Variants in CNTN5 observed in about 807,000 individuals in gnomAD.
The protein encoded by CNTN5 is contactin-5.
A neutral mutation model predicts 129.1 loss-of-function variants in CNTN5; 77 were observed. The observed-to-expected ratio is 0.60, with a 90% CI of 0.50 to 0.72. The LOEUF is 0.72. Among genes scored for constraint, CNTN5 ranks in the 30% least tolerant of loss-of-function variants. The pLI is 0.00. For synonymous variants in CNTN5, 509 were observed against 465.6 expected (o/e 1.09, Z -1.20); for missense variants, 1,478 against 1,328.8 (o/e 1.11, Z -1.75).
At chr11:100,062,440 A>G (rs928075207) in intron 10 of CNTN5, among the ~76,000 whole-genome samples, 9 of 152,338 alleles carry the variant, frequency 5.9e-5, no homozygotes, top group South Asian at 2.1e-4. Context: ...TATGCATTGC[A>G]CATTTTATCC....
At chr11:100,102,912 C>A (rs1401923884) in intron 13 of CNTN5, among the ~76,000 whole-genome samples, 1 of 152,092 alleles carries the variant, frequency 6.6e-6, no homozygotes, top group Non-Finnish European at 1.5e-5. Flanking sequence ...AGACATAGAA[C>A]AAGGGAATCT....
At chr11:99,532,558 A>G (rs1307006831) in intron 2 of CNTN5, among the ~76,000 whole-genome samples, 1 of 152,088 alleles carries the variant, frequency 6.6e-6, no homozygotes, top group African/African-American at 2.4e-5. Context: ...CTTGAATTGT[A>G]TCTCCCCAGA....
chr11:99,448,936 A>G (rs1944187790), intron 2 of CNTN5, among the ~76,000 whole-genome samples: 2 of 151,548 alleles, frequency 1.3e-5, no homozygotes, highest in African/African-American at 4.9e-5. Context: ...GCATACCACC[A>G]TGCCTGGCTA....
At chr11:99,749,833 T>C (rs1332820988) in intron 3 of CNTN5, among the ~76,000 whole-genome samples, 1 of 152,196 alleles carries the variant, frequency 6.6e-6, no homozygotes, top group Non-Finnish European at 1.5e-5. Flanking sequence ...GCCACCACAT[T>C]CAGTCTCCTT....
intron 2 of CNTN5, among the ~76,000 whole-genome samples, chr11:99,527,675 T>C (rs1226758631): frequency 6.6e-6 from 1 of 152,142 alleles, no homozygotes; most frequent in Non-Finnish European, 1.5e-5. Context: ...GTGACTCTCA[T>C]AGAAGCCATG....
At chr11:99,410,008 A>G (rs1397978063) in intron 2 of CNTN5, among the ~76,000 whole-genome samples, 1 of 152,226 alleles carries the variant, frequency 6.6e-6, no homozygotes, top group Non-Finnish European at 1.5e-5. Flanking sequence ...CCAACATGCA[A>G]TAAGTTTCTG....
chr11:99,293,934 T>C (rs1234358744), intron 1 of CNTN5, among the ~76,000 whole-genome samples: 1 of 152,030 alleles, frequency 6.6e-6, no homozygotes, highest in African/African-American at 2.4e-5. Context: ...CCTTTCTCAT[T>C]TCTTTCCTTC....
rs1395452870 is a variant in CNTN5 at position 99,481,726 on chromosome 11, A to T, written c.-70-74419A>T. The stretch of plus-strand genomic sequence containing the variant: ...ACCACCTTACTTCCCCACCTGAATG[A>T]ATACATTTGGTTTTCAAGACTCAGT... On this transcript the variant is annotated intron_variant, in intron 2 of 24. Coordinates refer to ENST00000524871, the MANE Select transcript of CNTN5 (RefSeq NM_014361.4). Among the ~76,000 whole-genome samples the T allele has an allele frequency of 1.3e-5, 2 of 152,126 alleles. 1 individual carries two copies. Among genetic ancestry groups the T allele is most frequent in the Middle Eastern group, 6.3e-3 (2 of 316 alleles).
chr11:99,128,504 A>T (rs1242579718), intron 1 of CNTN5, among the ~76,000 whole-genome samples: 1 of 152,192 alleles, frequency 6.6e-6, no homozygotes, highest in Non-Finnish European at 1.5e-5. Context: ...GGGACAGAGC[A>T]CGTGGCAGGA....
At chr11:99,841,720 T>C (rs982475959) in intron 4 of CNTN5, among the ~76,000 whole-genome samples, 3 of 149,944 alleles carry the variant, frequency 2.0e-5, no homozygotes, top group Non-Finnish European at 3.0e-5. Context: ...ATAATAGTCA[T>C]GGTAGTAGTA....
intron 3 of CNTN5, among the ~76,000 whole-genome samples, chr11:99,565,319 C>T (rs1368835857): frequency 6.6e-6 from 1 of 152,100 alleles, no homozygotes; most frequent in Non-Finnish European, 1.5e-5. Flanking sequence ...AAAGCCTCCT[C>T]CTCAGAAATC....
intron 7 of CNTN5, among the ~76,000 whole-genome samples, chr11:99,944,061 T>TC (rs397779284): frequency 6.0e-5 from 9 of 148,962 alleles, no homozygotes; most frequent in Non-Finnish European, 1.2e-4. Context: ...TTTTTTTTTT[T>TC]CTAGCTCTTT....
In CNTN5 at chr11:100,171,366, A is replaced by C. The variant is rs1015081567; in HGVS notation, c.1581-19760A>C. Among the ~76,000 whole-genome samples the C allele has an allele frequency of 2.0e-5, 3 of 152,160 alleles. No homozygotes were observed. In the East Asian group the frequency reaches 5.8e-4, roughly 29 times the overall value. The stretch of plus-strand genomic sequence containing the variant: ...TCCTATGAGATTTAGATATTTATGC[A>C]GACAACAGATTAAAAAGAACACGCA... On this transcript the variant is annotated intron_variant, in intron 13 of 24. Coordinates refer to ENST00000524871, the MANE Select transcript of CNTN5 (RefSeq NM_014361.4).
rs551483751 is a variant in CNTN5 at position 99,615,376 on chromosome 11, C to T, written c.55+59107C>T. ...ATAAAATCACAAGATTAGAATTTAA[C>T]TTCAAGTTAGTATAAACCCAACTTT... On this transcript the variant is annotated intron_variant, in intron 3 of 24. Transcript: ENST00000524871. Among the ~76,000 whole-genome samples, 20 of 152,130 alleles carry T rather than the reference C, an allele frequency of 1.3e-4. No individual in the cohort carries two copies. The South Asian group carries it at 4.1e-3, about 32-fold the overall frequency.
At chr11:100,005,581 C>A (rs1157750151) in intron 9 of CNTN5, among the ~76,000 whole-genome samples, 1 of 152,086 alleles carries the variant, frequency 6.6e-6, no homozygotes, top group African/African-American at 2.4e-5. Context: ...ATAACTGAAA[C>A]TTTATTTTTA....
intron 6 of CNTN5, among the ~76,000 whole-genome samples, chr11:99,883,980 T>G (rs1304717791): frequency 1.3e-5 from 2 of 152,230 alleles, no homozygotes; most frequent in Non-Finnish European, 2.9e-5. Context: ...CTGGTAAAAA[T>G]TCATATTGGG....
chr11:100,131,477 G>A (rs1258811482), intron 13 of CNTN5, among the ~76,000 whole-genome samples: 1 of 152,044 alleles, frequency 6.6e-6, no homozygotes, highest in Admixed American at 6.6e-5. Flanking sequence ...TTAAGGTTGA[G>A]GTATTTGTGA....
intron 1 of CNTN5, among the ~76,000 whole-genome samples, chr11:99,318,058 A>T (rs1291718461): frequency 2.0e-5 from 3 of 152,208 alleles, no homozygotes; most frequent in Admixed American, 2.0e-4. Flanking sequence ...TGACATTTCA[A>T]ACGTTTCATA....
chr11:100,105,905 C>G (rs943399352), intron 13 of CNTN5, among the ~76,000 whole-genome samples: 4 of 152,164 alleles, frequency 2.6e-5, no homozygotes, highest in Non-Finnish European at 4.4e-5. Flanking sequence ...CTTAGTCAAA[C>G]AAGCCTTTCT....
Sources: allele counts gnomAD v4.1 joint callset (sites outside exome capture counted in the v4.1 genomes callset), GRCh38; gene constraint gnomAD v4.1.1; transcripts MANE v1.5; gene names NCBI Gene and HGNC (gene_info 2026-07-23, HGNC 2026-07-21).